The following MLXIPL variants were observed in gnomAD, a reference collection of about 807,000 sequenced individuals.
MLXIPL encodes the protein MLX interacting protein like.
Under a neutral mutation model 81.5 loss-of-function variants are expected in MLXIPL, and 49 were observed. That is an observed-to-expected ratio of 0.60 (90% CI 0.48 to 0.76). The LOEUF is 0.76. Ranked by LOEUF, MLXIPL falls within the 30% of genes least tolerant of loss-of-function variation. The probability of loss-of-function intolerance (pLI) is 0.00; values close to 1 mark genes in which losing one functional copy is unlikely to be tolerated. For missense variants in MLXIPL, 1,053 were observed against 1,167.0 expected (o/e 0.90, Z 1.42); for synonymous variants, 466 against 485.5 (o/e 0.96, Z 0.53).
At chr7:73,617,034 G>A (rs1584141588) in intron 1 of MLXIPL, among the ~76,000 whole-genome samples, 1 of 151,108 alleles carries the variant, frequency 6.6e-6, no homozygotes, top group East Asian at 2.0e-4. Flanking sequence ...TTTTGGTTTT[G>A]AGACGGAGTC....
the MLXIPL span, among the ~76,000 whole-genome samples, chr7:73,647,639 C>G: frequency 2.6e-5 from 4 of 152,184 alleles, no homozygotes; most frequent in African/African-American, 9.6e-5. Context: ...CTATGAACCC[C>G]TTCAACCCAG....
At position 73,623,375 on chromosome 7, in the gene MLXIPL, C is replaced by T. The variant is rs1409357849; in HGVS notation, c.293+825G>A. Among the ~76,000 whole-genome samples, 4 of 152,318 alleles carry T rather than the reference C, an allele frequency of 2.6e-5. No individual in the cohort carries two copies. In the East Asian group the frequency reaches 7.7e-4, roughly 29 times the overall value. On this transcript the variant is annotated intron_variant, in intron 1 of 16. Transcript: ENST00000313375. The surrounding 1 kb of genome is among the most constrained non-coding windows in gnomAD (Gnocchi z 5.7). ...CCCTCAACTCCGGGGAACTTTGCTCCAGGGCACTGGGCCAGGCCTCGGGTT... is the reference window on the plus strand; with the variant it reads ...CCCTCAACTCCGGGGAACTTTGCTCTAGGGCACTGGGCCAGGCCTCGGGTT...
At chr7:73,634,306 A>T in the MLXIPL span, among the ~76,000 whole-genome samples, 1 of 152,112 alleles carries the variant, frequency 6.6e-6, no homozygotes, top group Non-Finnish European at 1.5e-5. Context: ...CTGAGGTGGG[A>T]GGATTGCTTG....
Position 73,597,472 on chromosome 7 carries a change from G to A in MLXIPL, c.1313C>T (p.Pro438Leu), listed in dbSNP as rs944133589. 1 of 1,419,738 alleles carries A rather than the reference G, an allele frequency of 7.0e-7. No individual in the cohort carries two copies. 87.9% of individuals were successfully genotyped at this position (1,419,738 alleles called of 1,614,324 possible). ...CACTCCTGGGGCAGGAGGGACGGTG[G>A]GGAAGGGAAACCTGGGAGAGAAGAG... ...EPLFSPRFPF[P>L]TVPPAPGVSP... Residue 438 changes from proline (P) to leucine (L), a missense_variant, in exon 9 of 17, where the codon CCC becomes CTC. Transcript: ENST00000313375.
chr7:73,642,641 C>A, the MLXIPL span, among the ~76,000 whole-genome samples: 1 of 152,224 alleles, frequency 6.6e-6, no homozygotes, highest in African/African-American at 2.4e-5. Flanking sequence ...CAGGCGTGAG[C>A]CACCATGCCT....
chr7:73,643,164 C>T, the MLXIPL span, among the ~76,000 whole-genome samples: 1 of 152,200 alleles, frequency 6.6e-6, no homozygotes, highest in Non-Finnish European at 1.5e-5. Context: ...GCTCAACCAG[C>T]CCGTTGCTCA....
At chr7:73,626,469 A>ATT (rs35194433), upstream of MLXIPL, among the ~76,000 whole-genome samples, 14,051 of 147,966 alleles carry the variant, frequency 0.095, 769 homozygotes, top group African/African-American at 0.14. Context: ...AACCTGGCTA[A>ATT]TTTTTTTTTT....
At chr7:73,643,168 T>C in the MLXIPL span, among the ~76,000 whole-genome samples, 1 of 152,154 alleles carries the variant, frequency 6.6e-6, no homozygotes, top group Non-Finnish European at 1.5e-5. Context: ...AACCAGCCCG[T>C]TGCTCAGGGC....
Position 73,595,946 on chromosome 7 carries a change from C to T in MLXIPL, c.2082G>A (p.Gln694=). ...GCATAAGGATGTACTCAGCTGTCTT[C>T]TGCAGCGTGGTAGCTTTGCTCACCT... is the stretch of plus-strand genomic sequence containing the variant. ...SLKVSKATTL[Q]KTAEYILMLQ... is the part of the protein sequence containing the mutation. Residue 694 remains glutamine, a synonymous_variant, in exon 14 of 17, where the codon CAG becomes CAA. Coordinates refer to ENST00000313375, the MANE Select transcript of MLXIPL (RefSeq NM_032951.3). 11 of 1,613,186 alleles carry T rather than the reference C, an allele frequency of 6.8e-6. No individual in the cohort carries two copies. Among genetic ancestry groups the T allele is most frequent in the South Asian group, 1.1e-5 (1 of 91,066 alleles).
At chr7:73,635,979 G>A in the MLXIPL span, among the ~76,000 whole-genome samples, 1 of 152,198 alleles carries the variant, frequency 6.6e-6, no homozygotes, top group African/African-American at 2.4e-5. Flanking sequence ...GCAGAGTGAG[G>A]CATGCCCTCC....
In MLXIPL at chr7:73,599,593, G is replaced by A. The variant is rs1794622289; in HGVS notation, c.1004C>T (p.Thr335Ile). 2 of 1,612,792 alleles carry A rather than the reference G, an allele frequency of 1.2e-6. No individual in the cohort carries two copies. The highest frequency in any genetic ancestry group is 1.7e-6 in the Non-Finnish European group (2 of 1,179,312). Residue 335 changes from threonine (T) to isoleucine (I), a missense_variant, in exon 8 of 17, where the codon ACC becomes ATC. By Grantham distance (89) the Thr-to-Ile change is moderately conservative (BLOSUM62 -1). Around this residue, in one of 3 missense-constraint regions of MLXIPL, gnomAD observed 823 missense variants for 933.0 expected, o/e 0.88. Coordinates refer to ENST00000313375, the MANE Select transcript of MLXIPL (RefSeq NM_032951.3). Reference sequence around the variant, plus strand: ...AGCCGGGGGCACCTCTGGGCCCAGGGTCCCACTGCTGAAGAGGGAGTCAAC... The same window carrying A: ...AGCCGGGGGCACCTCTGGGCCCAGGATCCCACTGCTGAAGAGGGAGTCAAC... ...PVVDSLFSSG[T>I]LGPEVPPASS... is the part of the protein sequence containing the mutation.
chr7:73,605,212 C>T (rs1003477581), intron 7 of MLXIPL, among the ~76,000 whole-genome samples: 6 of 152,162 alleles, frequency 3.9e-5, no homozygotes, highest in Non-Finnish European at 8.8e-5. Flanking sequence ...GGCCCTGCCC[C>T]CATTGGAGGC....
At chr7:73,602,360 C>A (rs2116298680) in intron 7 of MLXIPL, among the ~76,000 whole-genome samples, 1 of 151,556 alleles carries the variant, frequency 6.6e-6, no homozygotes, top group African/African-American at 2.4e-5. Flanking sequence ...TACAGGCCCC[C>A]CTGCTGCCTT....
chr7:73,594,119 C>T (rs1235611804), intron 16 of MLXIPL, 136 bp from the exon 17 acceptor site: 10 of 1,385,522 alleles, frequency 7.2e-6, no homozygotes, highest in African/African-American at 1.4e-5. Context: ...TGTCTACAGG[C>T]GTCTGGTGGC....
the MLXIPL span, among the ~76,000 whole-genome samples, chr7:73,645,889 T>C: frequency 6.6e-6 from 1 of 152,156 alleles, no homozygotes; most frequent in Non-Finnish European, 1.5e-5. Flanking sequence ...AAAATGGAGA[T>C]CTTTTCCTTC....
At chr7:73,633,347 G>GTTT in the MLXIPL span, among the ~76,000 whole-genome samples, 1 of 138,638 alleles carries the variant, frequency 7.2e-6, no homozygotes, top group Non-Finnish European at 1.6e-5. Flanking sequence ...CTCCCAAAGT[G>GTTT]TTTTTTTTTT....
chr7:73,634,651 T>G, the MLXIPL span, among the ~76,000 whole-genome samples: 1 of 151,808 alleles, frequency 6.6e-6, no homozygotes, highest in Non-Finnish European at 1.5e-5. Context: ...TGCCTCGGCC[T>G]CCCAAAGTGC....
upstream of MLXIPL, among the ~76,000 whole-genome samples, chr7:73,626,584 G>A (rs1796760263): frequency 6.6e-6 from 1 of 152,070 alleles, no homozygotes; most frequent in African/African-American, 2.4e-5. Flanking sequence ...CTCACCTTGA[G>A]GACAGAAACC....
chr7:73,610,124 A>T (rs1795595064), intron 2 of MLXIPL: 1 of 152,616 alleles, frequency 6.6e-6, no homozygotes. Context: ...ACTGACTCCC[A>T]GCATTCCAGG....
Sources: allele counts gnomAD v4.1 joint callset (sites outside exome capture counted in the v4.1 genomes callset), GRCh38; gene constraint gnomAD v4.1.1; regional missense constraint gnomAD v4.1.1; non-coding constraint Gnocchi (gnomAD v3.1); transcripts MANE v1.5; gene names NCBI Gene and HGNC (gene_info 2026-07-23, HGNC 2026-07-21).